Variants in ENOX1 observed in about 807,000 individuals in gnomAD.
ENOX1 encodes the protein ecto-NOX disulfide-thiol exchanger 1.
ENOX1 carries 42 observed loss-of-function variants against 82.5 expected under a neutral mutation model. That is an observed-to-expected ratio of 0.51 (90% confidence interval 0.40 to 0.66). The LOEUF (loss-of-function observed/expected upper bound fraction) is 0.66. Ranked by LOEUF, ENOX1 falls within the 30% of genes least tolerant of loss-of-function variation. ENOX1 has a pLI of 0.00. For synonymous variants in ENOX1, 271 were observed against 282.2 expected (o/e 0.96, Z 0.40); for missense variants, 608 against 811.6 (o/e 0.75, Z 3.05).
chr13:43,575,808 A>G (rs936248077), intron 2 of ENOX1, among the ~76,000 whole-genome samples: 1 of 152,206 alleles, frequency 6.6e-6, no homozygotes, highest in African/African-American at 2.4e-5. Context: ...CCTCTTCTGT[A>G]AAGTCAACCA....
At chr13:43,309,228 G>A (rs960992034) in intron 11 of ENOX1, among the ~76,000 whole-genome samples, 1 of 151,960 alleles carries the variant, frequency 6.6e-6, no homozygotes, top group Non-Finnish European at 1.5e-5. Context: ...CACTATGCTG[G>A]CCAGGCTGGT....
At chr13:43,505,776 G>A (rs1021133719) in intron 2 of ENOX1, among the ~76,000 whole-genome samples, 1 of 151,938 alleles carries the variant, frequency 6.6e-6, no homozygotes, top group South Asian at 2.1e-4. Flanking sequence ...TTTGTCAATT[G>A]TGGCTTTTGT....
At chr13:43,524,040 G>A (rs1219140257) in intron 2 of ENOX1, among the ~76,000 whole-genome samples, 1 of 152,080 alleles carries the variant, frequency 6.6e-6, no homozygotes, top group Non-Finnish European at 1.5e-5. Flanking sequence ...CATGGAATCT[G>A]TTGCTTCCTT....
rs567917019 is a variant in ENOX1, at chr13:43,340,834, A to G, written c.1036+3704T>C. On this transcript the variant is annotated intron_variant, in intron 9 of 16. Transcript: ENST00000690772. ...TTCTGATCTACTCATTCATTCACTC[A>G]CTCATCCACCAAATATTTCTTGCAT... Among the ~76,000 whole-genome samples the G allele has an allele frequency of 7.2e-5, 11 of 152,112 alleles. No individual in the cohort carries two copies. The East Asian group carries it at 2.1e-3, about 29-fold the overall frequency.
intron 9 of ENOX1, among the ~76,000 whole-genome samples, chr13:43,330,463 A>AT (rs970917424): frequency 1.3e-5 from 2 of 152,044 alleles, no homozygotes; most frequent in African/African-American, 4.8e-5. Flanking sequence ...GGTAAAGGGA[A>AT]TTTTTTTTCT....
chr13:43,663,223 G>A (rs867761741), intron 2 of ENOX1, among the ~76,000 whole-genome samples: 7 of 152,174 alleles, frequency 4.6e-5, no homozygotes, highest in South Asian at 2.1e-4. Context: ...CTCCCTGCAA[G>A]GAGCAGGATG....
chr13:43,217,520 AC>A (rs899708122), intron 16 of ENOX1, among the ~76,000 whole-genome samples: 54 of 152,138 alleles, frequency 3.5e-4, no homozygotes, highest in African/African-American at 1.3e-3. Flanking sequence ...GCTACCATTT[AC>A]CGAGTCTTCA....
intron 2 of ENOX1, among the ~76,000 whole-genome samples, chr13:43,598,908 G>C (rs1475147150): frequency 6.6e-6 from 1 of 152,098 alleles, no homozygotes; most frequent in Non-Finnish European, 1.5e-5. Flanking sequence ...CATACATGGA[G>C]GATAACTCTT....
intron 8 of ENOX1, among the ~76,000 whole-genome samples, chr13:43,352,832 C>T (rs1163740891): frequency 6.6e-6 from 1 of 152,200 alleles, no homozygotes; most frequent in Non-Finnish European, 1.5e-5. Flanking sequence ...CCCTCTCTCA[C>T]TCCAGCACTG....
intron 8 of ENOX1, among the ~76,000 whole-genome samples, chr13:43,350,177 A>G (rs2049680142): frequency 6.6e-6 from 1 of 152,248 alleles, no homozygotes; most frequent in African/African-American, 2.4e-5. Context: ...AAATCTTTAT[A>G]AAGCGAATTC....
chr13:43,593,534 G>A (rs1388940805), intron 2 of ENOX1, among the ~76,000 whole-genome samples: 2 of 151,978 alleles, frequency 1.3e-5, no homozygotes, highest in Non-Finnish European at 2.9e-5. Flanking sequence ...TAGAATTAAG[G>A]AGAGGTTATG....
intron 11 of ENOX1, among the ~76,000 whole-genome samples, chr13:43,299,024 T>C (rs1388517592): frequency 6.6e-6 from 1 of 152,190 alleles, no homozygotes. Context: ...TGCACACCAC[T>C]CCTTCCTGCT....
intron 5 of ENOX1, among the ~76,000 whole-genome samples, chr13:43,407,186 G>T (rs1366886413): frequency 6.6e-6 from 1 of 152,188 alleles, no homozygotes; most frequent in Non-Finnish European, 1.5e-5. Context: ...CAGAGGTGGG[G>T]CCTTCTGAAA....
intron 2 of ENOX1, among the ~76,000 whole-genome samples, chr13:43,581,280 C>T (rs934399363): frequency 2.5e-4 from 37 of 148,446 alleles, no homozygotes; most frequent in African/African-American, 8.6e-4. Flanking sequence ...CTACAGGCGC[C>T]CGCCACTACG....
At chr13:43,765,301 T>C (rs1368048407) in intron 1 of ENOX1, among the ~76,000 whole-genome samples, 1 of 152,166 alleles carries the variant, frequency 6.6e-6, no homozygotes, top group African/African-American at 2.4e-5. Context: ...GACGTGACCT[T>C]TCCAAGCCTC....
intron 2 of ENOX1, among the ~76,000 whole-genome samples, chr13:43,602,366 C>A (rs1351254256): frequency 6.6e-6 from 1 of 151,822 alleles, no homozygotes; most frequent in Non-Finnish European, 1.5e-5. Context: ...TGAAGAAGAG[C>A]TAGAAATAAT....
At chr13:43,315,035 C>T (rs1320570936) in intron 11 of ENOX1, among the ~76,000 whole-genome samples, 1 of 152,178 alleles carries the variant, frequency 6.6e-6, no homozygotes, top group Non-Finnish European at 1.5e-5. Context: ...GGACTCTTGT[C>T]TGAAACCAAA....
chr13:43,345,519 T>TA (rs2049326091), intron 8 of ENOX1, among the ~76,000 whole-genome samples: 1 of 152,124 alleles, frequency 6.6e-6, no homozygotes. Context: ...AAATAAGTGA[T>TA]AAAGTCTATT....
intron 14 of ENOX1, among the ~76,000 whole-genome samples, chr13:43,241,258 G>GT (rs1427986099): frequency 6.6e-6 from 1 of 152,196 alleles, no homozygotes; most frequent in African/African-American, 2.4e-5. Flanking sequence ...GAAACATAAA[G>GT]TTATGAAGAC....
Sources: allele counts gnomAD v4.1 joint callset (sites outside exome capture counted in the v4.1 genomes callset), GRCh38; gene constraint gnomAD v4.1.1; transcripts MANE v1.5; gene names NCBI Gene and HGNC (gene_info 2026-07-23, HGNC 2026-07-21).